HEG1: variants seen among roughly 807,000 people sequenced by gnomAD.
HEG1 encodes protein HEG homolog 1.
A neutral mutation model predicts 125.6 loss-of-function variants in HEG1; 56 were observed. The ratio of observed to expected loss-of-function variants is 0.45; its 90% CI spans 0.36 to 0.56. The LOEUF (loss-of-function observed/expected upper bound fraction) is 0.56. HEG1 is among the 20% of genes least tolerant of loss of function. The pLI is 0.00. For synonymous variants in HEG1, 644 were observed against 668.5 expected (o/e 0.96, Z 0.57); for missense variants, 1,523 against 1,670.0 (o/e 0.91, Z 1.53).
At chr3:124,995,594 T>C (rs1235789908) in intron 12 of HEG1, among the ~76,000 whole-genome samples, 1 of 152,242 alleles carries the variant, frequency 6.6e-6, no homozygotes, top group African/African-American at 2.4e-5. Context: ...GCTCCAGCAC[T>C]GATGGCCAGA....
Position 125,019,250 on chromosome 3 carries a change from G to A in HEG1, c.1588+12C>T. On this transcript the variant is annotated intron_variant, in intron 5 of 16. Coordinates refer to ENST00000311127, the MANE Select transcript of HEG1 (RefSeq NM_020733.2). ...TCTATGGGGCACAGTTGCATGAAATGGAAAAACTCACTCGAACGTTCTCCA... is the reference window on the plus strand; with the variant it reads ...TCTATGGGGCACAGTTGCATGAAATAGAAAAACTCACTCGAACGTTCTCCA... 6.3e-7 allele frequency: 1 copy of A among 1,599,564 alleles called. No homozygotes were observed. Among genetic ancestry groups the A allele is most frequent in the Non-Finnish European group, 8.6e-7 (1 of 1,167,528 alleles).
Position 125,055,714 on chromosome 3 carries a change from G to A in HEG1, c.177C>T (p.Arg59=). 1 of 1,065,664 alleles carries A rather than the reference G, an allele frequency of 9.4e-7. No homozygotes were observed. The highest frequency in any genetic ancestry group is 1.1e-6 in the Non-Finnish European group (1 of 883,586). The allele number at this position is 1,065,664 out of a possible 1,614,324, so 66.0% of individuals were successfully genotyped here. The part of the protein sequence containing the change: ...GAGLELQLER[R]PEREPPPTPP... ...GCGTGGGCGGCGGCTCGCGCTCCGG[G>A]CGGCGCTCCAGCTGCAGCTCCAGCC... The change falls in exon 1 of 17, where the codon CGC becomes CGT. Residue 59 remains arginine (R), a synonymous_variant. Coordinates refer to ENST00000311127, the MANE Select transcript of HEG1 (RefSeq NM_020733.2).
intron 12 of HEG1, among the ~76,000 whole-genome samples, chr3:124,995,751 G>T (rs1262062647): frequency 6.6e-6 from 1 of 152,204 alleles, no homozygotes; most frequent in East Asian, 1.9e-4. Context: ...GTGAATCAAG[G>T]TTTCCTTATG....
At chr3:125,046,399 AC>A (rs1398290655) in intron 1 of HEG1, among the ~76,000 whole-genome samples, 3 of 19,226 alleles carry the variant, frequency 1.6e-4, no homozygotes, top group Non-Finnish European at 2.9e-4. Flanking sequence ...ATATACACAT[AC>A]ACACACACAC....
intron 1 of HEG1, among the ~76,000 whole-genome samples, chr3:125,047,327 T>C (rs1472755858): frequency 6.6e-6 from 1 of 152,250 alleles, no homozygotes; most frequent in Admixed American, 6.5e-5. Context: ...AGAGCTCTCT[T>C]GCCCAGGCAT....
chr3:125,012,632 A>T lies in HEG1; in HGVS notation c.2947T>A (p.Ser983Thr). 1 of 1,612,864 alleles carries T rather than the reference A, an allele frequency of 6.2e-7. No homozygotes were observed. The highest frequency in any genetic ancestry group is 1.1e-5 in the South Asian group (1 of 90,736). ...STQSPTTVSS[S>T]ASVNSCAVNP... ...TGTGACTGTGTTTTACCTGAGGCTG[A>T]AGAGGACACTGTTGTTGGTGACTGT... The change falls in exon 6 of 17, where the codon TCA becomes ACA. Residue 983 changes from serine to threonine, a missense_variant. Transcript: ENST00000311127.
intron 8 of HEG1, chr3:125,009,464 T>G: frequency 3.3e-6 from 1 of 300,528 alleles, no homozygotes; most frequent in Non-Finnish European, 6.3e-6. Flanking sequence ...ATAAAGTTTA[T>G]ACAGATATCC....
intron 3 of HEG1, among the ~76,000 whole-genome samples, chr3:125,024,065 G>T (rs1289887989): frequency 6.6e-6 from 1 of 152,092 alleles, no homozygotes; most frequent in Non-Finnish European, 1.5e-5. Flanking sequence ...AATTTACCTG[G>T]ACCACAGTAG....
At chr3:124,976,023 G>A (rs936422013) in intron 15 of HEG1, among the ~76,000 whole-genome samples, 6 of 152,130 alleles carry the variant, frequency 3.9e-5, no homozygotes, top group Non-Finnish European at 8.8e-5. Context: ...CACTTCTCTT[G>A]ATATACCTAA....
chr3:125,033,159 T>TA (rs959533790), intron 1 of HEG1, among the ~76,000 whole-genome samples: 6 of 152,182 alleles, frequency 3.9e-5, no homozygotes, highest in African/African-American at 1.2e-4. Context: ...AATATTTTTT[T>TA]AAAAAAATTT....
intron 1 of HEG1, among the ~76,000 whole-genome samples, chr3:125,033,741 A>G (rs1468369958): frequency 6.6e-6 from 1 of 152,200 alleles, no homozygotes; most frequent in Non-Finnish European, 1.5e-5. Context: ...TCCGCGGGCT[A>G]TTAGGAACCA....
At chr3:124,981,251 GTT>G (rs58212413) in intron 14 of HEG1, among the ~76,000 whole-genome samples, 4 of 139,514 alleles carry the variant, frequency 2.9e-5, no homozygotes, top group Admixed American at 7.1e-5. Flanking sequence ...TTTTTTTAAA[GTT>G]TTTTTTTTTA....
chr3:125,005,821 C>T (rs1937063610), intron 8 of HEG1, among the ~76,000 whole-genome samples: 1 of 152,196 alleles, frequency 6.6e-6, no homozygotes, highest in South Asian at 2.1e-4. Flanking sequence ...CAGAGGAAAG[C>T]TCTCGTCCTC....
intron 14 of HEG1, among the ~76,000 whole-genome samples, chr3:124,988,873 T>C (rs1162614226): frequency 1.3e-5 from 2 of 152,158 alleles, no homozygotes; most frequent in Admixed American, 6.5e-5. Flanking sequence ...GCCGAGATCG[T>C]GCCACTGAAC....
chr3:124,977,516 T>C (rs894684887), intron 15 of HEG1, among the ~76,000 whole-genome samples: 7 of 152,206 alleles, frequency 4.6e-5, no homozygotes, highest in East Asian at 1.9e-4. Context: ...ATGCAACCCA[T>C]ATTTGCAAGT....
Position 124,970,635 on chromosome 3 carries a change from C to A in HEG1, c.*17G>T, listed in dbSNP as rs764322121. On this transcript the variant is annotated 3_prime_UTR_variant, in exon 17 of 17. Coordinates refer to ENST00000311127, the MANE Select transcript of HEG1 (RefSeq NM_020733.2). The stretch of plus-strand genomic sequence containing the variant: ...AGGTGACTGGCTCAGAGCAATGAGT[C>A]CCTCTCTCTCCTGGACTTAAAAGTA... 1.9e-6 allele frequency: 3 copies of A among 1,585,272 alleles called. No homozygotes were observed. Among genetic ancestry groups the A allele is most frequent in the Admixed American group, 1.8e-5 (1 of 56,086 alleles).
chr3:124,987,924 T>TACAC lies in HEG1; in HGVS notation c.3733+2859_3733+2862dup, dbSNP rs67009322. 2.1e-3 allele frequency among the ~76,000 whole-genome samples: 142 copies of TACAC among 67,652 alleles called. 7 individuals are homozygous for TACAC. Among genetic ancestry groups the TACAC allele is most frequent in the African/African-American group, 5.6e-3 (114 of 20,204 alleles). 44.4% of individuals were successfully genotyped at this position (67,652 alleles called of 152,430 possible). ...TCTCTTCTGAAAGACTATATATGTG[T>TACAC]ACACACACACACACACACACACACA... On this transcript the variant is annotated intron_variant, in intron 14 of 16. Transcript: ENST00000311127.
chr3:125,002,411 C>T, intron 9 of HEG1, 96 bp from the exon 10 acceptor site: 1 of 1,117,792 alleles, frequency 8.9e-7, no homozygotes, highest in Non-Finnish European at 1.3e-6. Flanking sequence ...CAGGCATTTT[C>T]CAGCCATCAA....
intron 3 of HEG1, among the ~76,000 whole-genome samples, chr3:125,023,577 G>A (rs1042913021): frequency 1.3e-5 from 2 of 152,176 alleles, no homozygotes; most frequent in East Asian, 1.9e-4. Flanking sequence ...GGCAGAGTTG[G>A]TGACTCTTCG....
Sources: gnomAD v4.1 joint callset for allele counts (sites outside exome capture counted in the v4.1 genomes callset) on GRCh38, gnomAD v4.1.1 for gene constraint, MANE v1.5 for transcripts, NCBI Gene and HGNC (gene_info 2026-07-23, HGNC 2026-07-21) for gene names.